The following HPGDS variants were observed in gnomAD, a reference collection of about 807,000 sequenced individuals.
HPGDS encodes hematopoietic prostaglandin D synthase.
HPGDS carries 26 observed loss-of-function variants against 23.1 expected under a neutral mutation model. The ratio of observed to expected loss-of-function variants is 1.13; its 90% CI spans 0.83 to 1.56. The LOEUF is 1.56. Among genes scored for constraint, HPGDS ranks in the 40% most tolerant of loss-of-function variants. HPGDS has a pLI of 0.00. For synonymous variants in HPGDS, 95 were observed against 77.9 expected (o/e 1.22, Z -1.16); for missense variants, 268 against 236.4 (o/e 1.13, Z -0.88).
intron 3 of HPGDS, among the ~76,000 whole-genome samples, chr4:94,309,327 G>A (rs1756211763): frequency 7.2e-6 from 1 of 139,010 alleles, no homozygotes; most frequent in Non-Finnish European, 1.5e-5. Flanking sequence ...GTGTCCATGT[G>A]TTCTCATGGT....
intron 1 of HPGDS, among the ~76,000 whole-genome samples, chr4:94,337,547 C>T (rs1050318128): frequency 4.5e-4 from 68 of 151,850 alleles, no homozygotes; most frequent in Non-Finnish European, 8.5e-4. Flanking sequence ...TGGTGGCGGG[C>T]GCCTGTAATC....
intron 2 of HPGDS, among the ~76,000 whole-genome samples, chr4:94,323,944 A>AG (rs1233567370): frequency 6.6e-6 from 1 of 152,114 alleles, no homozygotes; most frequent in Non-Finnish European, 1.5e-5. Flanking sequence ...GAGCTCTTGT[A>AG]AGCAGACCTG....
intron 1 of HPGDS, among the ~76,000 whole-genome samples, chr4:94,342,359 A>T (rs1000994309): frequency 8.5e-5 from 13 of 152,234 alleles, no homozygotes; most frequent in Non-Finnish European, 1.8e-4. Flanking sequence ...CCTTAAAATA[A>T]TATAAAATAT....
intron 3 of HPGDS, among the ~76,000 whole-genome samples, chr4:94,309,285 A>T (rs1214844061): frequency 1.2e-5 from 1 of 81,690 alleles, no homozygotes; most frequent in Non-Finnish European, 2.3e-5. Flanking sequence ...CCCACCCCAC[A>T]ACAGGCCCCG....
chr4:94,340,364 A>G, intron 1 of HPGDS, among the ~76,000 whole-genome samples: 1 of 45,744 alleles, frequency 2.2e-5, no homozygotes, highest in Non-Finnish European at 4.4e-5. Flanking sequence ...TTTGAGACGG[A>G]GTCTCTCTCT....
At chr4:94,310,406 G>C (rs1323068947) in intron 3 of HPGDS, among the ~76,000 whole-genome samples, 3 of 152,086 alleles carry the variant, frequency 2.0e-5, no homozygotes, top group East Asian at 1.9e-4. Flanking sequence ...CCCATTTCTT[G>C]TTTTTGTCAG....
chr4:94,313,716 A>C (rs981693394), intron 3 of HPGDS, among the ~76,000 whole-genome samples: 1 of 152,272 alleles, frequency 6.6e-6, no homozygotes, highest in South Asian at 2.1e-4. Flanking sequence ...TCTCCTGGAT[A>C]ATATCCTGCA....
At chr4:94,334,729 A>G (rs1177651515) in intron 1 of HPGDS, 91 bp from the exon 2 acceptor site, 2 of 1,126,984 alleles carry the variant, frequency 1.8e-6, no homozygotes, top group East Asian at 2.5e-5. Context: ...ACTTTATGGC[A>G]TCTCTTGAGA....
At chr4:94,331,073 T>C (rs1349347458) in intron 2 of HPGDS, among the ~76,000 whole-genome samples, 1 of 152,216 alleles carries the variant, frequency 6.6e-6, no homozygotes, top group Non-Finnish European at 1.5e-5. Context: ...TGAACACAGT[T>C]TGAACACTCA....
intron 5 of HPGDS, 148 bp downstream of exon 5, chr4:94,301,998 A>C (rs759232574): frequency 7.2e-5 from 33 of 460,554 alleles, no homozygotes; most frequent in Non-Finnish European, 1.3e-4. Context: ...CTATTTTTTA[A>C]AAAGGTTTAT....
At chr4:94,332,792 T>C (rs1436386116) in intron 2 of HPGDS, among the ~76,000 whole-genome samples, 1 of 152,250 alleles carries the variant, frequency 6.6e-6, no homozygotes, top group Admixed American at 6.5e-5. Flanking sequence ...TCTGTATCTC[T>C]GGTGATTTAG....
chr4:94,321,420 G>T (rs1363787139), intron 2 of HPGDS, among the ~76,000 whole-genome samples: 2 of 152,194 alleles, frequency 1.3e-5, no homozygotes, highest in East Asian at 3.9e-4. Context: ...CCATTTGTTT[G>T]TATCCTCTTT....
intron 4 of HPGDS, among the ~76,000 whole-genome samples, chr4:94,306,541 C>G (rs1274718337): frequency 6.6e-6 from 1 of 151,912 alleles, no homozygotes; most frequent in African/African-American, 2.4e-5. Flanking sequence ...CAGGAAATGA[C>G]CGGATATGTC....
chr4:94,302,655 G>A (rs900615995), intron 4 of HPGDS, among the ~76,000 whole-genome samples: 34 of 151,764 alleles, frequency 2.2e-4, no homozygotes, highest in Admixed American at 5.9e-4. Flanking sequence ...ATTTTATTTC[G>A]TAAGGCTAGA....
intron 2 of HPGDS, among the ~76,000 whole-genome samples, chr4:94,327,072 C>T (rs1756645066): frequency 6.6e-6 from 1 of 152,018 alleles, no homozygotes; most frequent in African/African-American, 2.4e-5. Context: ...CAAGTGGACT[C>T]ATCCTCAGGC....
chr4:94,335,047 C>G (rs1400655481), intron 1 of HPGDS, among the ~76,000 whole-genome samples: 1 of 152,174 alleles, frequency 6.6e-6, no homozygotes, highest in African/African-American at 2.4e-5. Flanking sequence ...TGACACAGCT[C>G]AGAGTTTATG....
At chr4:94,322,092 C>A (rs1052841275) in intron 2 of HPGDS, among the ~76,000 whole-genome samples, 1 of 151,976 alleles carries the variant, frequency 6.6e-6, no homozygotes, top group African/African-American at 2.4e-5. Flanking sequence ...GTTGAACGAG[C>A]TTTGCATCCC....
chr4:94,315,437 G>A (rs963073999), intron 3 of HPGDS, among the ~76,000 whole-genome samples: 1 of 152,084 alleles, frequency 6.6e-6, no homozygotes, highest in Non-Finnish European at 1.5e-5. Flanking sequence ...GTTTTTGTCA[G>A]GAGCATTTGT....
chr4:94,301,512 T>A (rs1240652906), intron 5 of HPGDS, among the ~76,000 whole-genome samples: 1 of 152,194 alleles, frequency 6.6e-6, no homozygotes, highest in East Asian at 1.9e-4. Context: ...TTTATCCTGA[T>A]ATAAAATACA....
Sources: allele counts gnomAD v4.1 joint callset (sites outside exome capture counted in the v4.1 genomes callset), GRCh38; gene constraint gnomAD v4.1.1; transcripts MANE v1.5; gene names NCBI Gene and HGNC (gene_info 2026-07-23, HGNC 2026-07-21).